UBE2D3: variants seen among roughly 807,000 people sequenced by gnomAD.
The protein encoded by UBE2D3 is ubiquitin conjugating enzyme E2 D3, also known as ubiquitin-conjugating enzyme E2 D3.
UBE2D3 carries 2 observed loss-of-function variants against 22.8 expected under a neutral mutation model. The observed-to-expected ratio is 0.09, with a 90% CI of 0.04 to 0.28. UBE2D3 has a LOEUF of 0.28. UBE2D3 is among the 10% of genes least tolerant of loss of function. The pLI, the probability that UBE2D3 is intolerant of heterozygous loss-of-function variation, is 1.00. For missense variants in UBE2D3, 27 were observed against 182.5 expected (o/e 0.15, Z 4.91); for synonymous variants, 56 against 60.4 (o/e 0.93, Z 0.34).
rs1021584646 is a variant in UBE2D3, at chr4:102,796,877, T to A, written c.*538A>T. On this transcript the variant is annotated 3_prime_UTR_variant, in exon 8 of 8. Coordinates refer to ENST00000453744, the MANE Select transcript of UBE2D3 (RefSeq NM_181891.3). Reference sequence around the variant, plus strand: ...GACATGCATAAAATACATCACATTTTCTGTTCTGCTGATGCTATAAATTCA... The same window carrying A: ...GACATGCATAAAATACATCACATTTACTGTTCTGCTGATGCTATAAATTCA... 6.6e-6 allele frequency: 1 copy of A among 152,526 alleles called. No homozygotes were observed. The highest frequency in any genetic ancestry group is 1.5e-5 in the Non-Finnish European group (1 of 67,948). The allele number at this position is 152,526 out of a possible 1,614,324, so 9.4% of individuals were successfully genotyped here.
upstream of UBE2D3, chr4:102,827,858 G>T (rs1233857144): frequency 3.0e-6 from 3 of 985,554 alleles, no homozygotes; most frequent in African/African-American, 5.2e-5. Flanking sequence ...AGAACCGGAA[G>T]GAGACCATGG....
chr4:102,799,481 T>C lies in UBE2D3; in HGVS notation c.324A>G (p.Ser108=), dbSNP rs763986970. Residue 108 remains serine (S), a synonymous_variant, in exon 7 of 8, where the codon TCA becomes TCG. Coordinates refer to ENST00000453744, the MANE Select transcript of UBE2D3 (RefSeq NM_181891.3). ...CATCTGGGTTTGGATCACATAGCAGTGAACAAATGGATAAAAGAACTGCAA... is the reference window on the plus strand; with the variant it reads ...CATCTGGGTTTGGATCACATAGCAGCGAACAAATGGATAAAAGAACTGCAA... ...TISKVLLSIC[S]LLCDPNPDDP... The C allele has an allele frequency of 5.0e-6, 8 of 1,610,630 alleles. No homozygotes were observed. Among genetic ancestry groups the C allele is most frequent in the African/African-American group, 1.3e-5 (1 of 74,746 alleles).
intron 1 of UBE2D3, among the ~76,000 whole-genome samples, chr4:102,858,171 C>T (rs1732719208): frequency 6.6e-6 from 1 of 151,908 alleles, no homozygotes; most frequent in African/African-American, 2.4e-5. Flanking sequence ...AATTAAAACA[C>T]ATAATGTACA....
chr4:102,834,914 G>C (rs964554868), intron 1 of UBE2D3, among the ~76,000 whole-genome samples: 1 of 151,950 alleles, frequency 6.6e-6, no homozygotes, highest in Non-Finnish European at 1.5e-5. Flanking sequence ...GAGTAGCTGG[G>C]ACTACAGGCA....
At chr4:102,824,476 A>C (rs896596116) in intron 2 of UBE2D3, among the ~76,000 whole-genome samples, 4 of 152,238 alleles carry the variant, frequency 2.6e-5, no homozygotes, top group Non-Finnish European at 5.9e-5. Flanking sequence ...TGCCTGGTAC[A>C]TATTAGGCAC....
chr4:102,826,218 C>T (rs1412679095), intron 2 of UBE2D3, among the ~76,000 whole-genome samples: 2 of 152,132 alleles, frequency 1.3e-5, no homozygotes, highest in African/African-American at 4.8e-5. Flanking sequence ...ATAATAAAGG[C>T]GCCTTAAGTC....
chr4:102,819,435 A>G (rs1729239861), intron 2 of UBE2D3: 1 of 247,632 alleles, frequency 4.0e-6, no homozygotes, highest in Non-Finnish European at 6.4e-6. Context: ...TCATGAAGCT[A>G]CAGAGCAGCC....
At chr4:102,848,106 C>G (rs1192320588) in intron 1 of UBE2D3, among the ~76,000 whole-genome samples, 1 of 152,144 alleles carries the variant, frequency 6.6e-6, no homozygotes, top group East Asian at 1.9e-4. Flanking sequence ...CTGTTTCGGA[C>G]CATAAGAAAA....
chr4:102,843,610 A>G (rs1158044607), intron 1 of UBE2D3: 2 of 152,178 alleles, frequency 1.3e-5, no homozygotes, highest in Admixed American at 6.5e-5. Flanking sequence ...ATGGAAGAGA[A>G]AAAAGTATGG....
Position 102,827,409 on chromosome 4 carries a change from G to C in UBE2D3, c.-129+18C>G. Reference sequence around the variant, plus strand: ...CCGGCCTCCCTTCCCTGCCCTAGCCGTCCACACCCACGCGTACAGAGGGGC... The same window carrying C: ...CCGGCCTCCCTTCCCTGCCCTAGCCCTCCACACCCACGCGTACAGAGGGGC... On this transcript the variant is annotated intron_variant, in intron 1 of 7. Coordinates refer to ENST00000453744, the MANE Select transcript of UBE2D3 (RefSeq NM_181891.3). 2.0e-6 allele frequency: 2 copies of C among 986,132 alleles called. No individual in the cohort carries two copies. The highest frequency in any genetic ancestry group is 2.4e-6 in the Non-Finnish European group (2 of 830,152). The allele number at this position is 986,132 out of a possible 1,614,324, so 61.1% of individuals were successfully genotyped here.
At chr4:102,798,687 C>T (rs964208891) in intron 7 of UBE2D3, among the ~76,000 whole-genome samples, 1 of 150,762 alleles carries the variant, frequency 6.6e-6, no homozygotes, top group African/African-American at 2.4e-5. Context: ...AAAGATACTA[C>T]ATAAATTCCC....
At chr4:102,810,536 C>T (rs997183355) in intron 2 of UBE2D3, 1 of 151,918 alleles carries the variant, frequency 6.6e-6, no homozygotes, top group African/African-American at 2.4e-5. Flanking sequence ...GCCACCATGC[C>T]AGGCTAATTT....
intron 1 of UBE2D3, chr4:102,844,048 C>G (rs949448533): frequency 1.3e-5 from 2 of 152,166 alleles, no homozygotes; most frequent in Non-Finnish European, 2.9e-5. Flanking sequence ...ACACCTAGAA[C>G]AGCAACCATA....
intron 2 of UBE2D3, chr4:102,810,939 A>G (rs1159652168): frequency 6.6e-6 from 1 of 152,218 alleles, no homozygotes; most frequent in Non-Finnish European, 1.5e-5. Flanking sequence ...TCTTAAGTTT[A>G]GTCTATGGCA....
At chr4:102,815,698 ACT>A (rs1728690622) in intron 2 of UBE2D3, among the ~76,000 whole-genome samples, 1 of 152,086 alleles carries the variant, frequency 6.6e-6, no homozygotes, top group Non-Finnish European at 1.5e-5. Flanking sequence ...GGTTCTTGTT[ACT>A]CTCCTAACAT....
In UBE2D3 at chr4:102,827,466, CCT is replaced by C. The variant is rs1463408790; in HGVS notation, c.-170_-169del. The C allele has an allele frequency of 1.0e-6, 1 of 986,128 alleles. No individual in the cohort carries two copies. The highest frequency in any genetic ancestry group is 1.2e-6 in the Non-Finnish European group (1 of 830,200). 61.1% of individuals were successfully genotyped at this position (986,128 alleles called of 1,614,324 possible). ...CTCCCTCAAGCTGCGGCCTCGGCCT[CCT>C]CCCCGCGCGGCAGCTGGTGCCTCCC... is the stretch of plus-strand genomic sequence containing the variant. On this transcript the variant is annotated 5_prime_UTR_variant, in exon 1 of 8. Transcript: ENST00000453744.
At chr4:102,826,928 G>A (rs1730608659) in intron 1 of UBE2D3, 1 of 1,011,918 alleles carries the variant, frequency 9.9e-7, no homozygotes, top group Admixed American at 5.8e-5. Context: ...GCCCAGCAGA[G>A]GAGGAGCCGG....
At chr4:102,859,062 T>G (rs1732759584) in intron 1 of UBE2D3, among the ~76,000 whole-genome samples, 1 of 151,900 alleles carries the variant, frequency 6.6e-6, no homozygotes, top group East Asian at 1.9e-4. Context: ...TACTTCAACT[T>G]TAGTTTCAGT....
intron 2 of UBE2D3, among the ~76,000 whole-genome samples, chr4:102,821,803 T>C (rs1323494048): frequency 6.6e-6 from 1 of 152,140 alleles, no homozygotes; most frequent in East Asian, 1.9e-4. Flanking sequence ...AAAATTTTTT[T>C]AAAAACTCCA....
Sources: allele counts gnomAD v4.1 joint callset (sites outside exome capture counted in the v4.1 genomes callset), GRCh38; gene constraint gnomAD v4.1.1; transcripts MANE v1.5; gene names NCBI Gene and HGNC (gene_info 2026-07-23, HGNC 2026-07-21).